The following PCDHGA5 variants were observed in gnomAD, a reference collection of about 807,000 sequenced individuals.
PCDHGA5 encodes the protein protocadherin gamma subfamily A, 5.
PCDHGA5 carries 36 observed loss-of-function variants against 56.7 expected under a neutral mutation model. The ratio of observed to expected loss-of-function variants is 0.64; its 90% CI spans 0.49 to 0.84. The LOEUF (loss-of-function observed/expected upper bound fraction) is 0.84, where lower values mean the gene tolerates loss of function less well. PCDHGA5 is among the 40% of genes least tolerant of loss of function. The pLI, the probability that PCDHGA5 is intolerant of heterozygous loss-of-function variation, is 0.00. For synonymous variants in PCDHGA5, 563 were observed against 520.2 expected (o/e 1.08, Z -1.12); for missense variants, 1,305 against 1,201.5 (o/e 1.09, Z -1.27).
intron 1 of PCDHGA5, among the ~76,000 whole-genome samples, chr5:141,450,823 A>ATTT: frequency 7.5e-6 from 1 of 133,136 alleles, no homozygotes; most frequent in African/African-American, 2.9e-5. Flanking sequence ...TAATATTATT[A>ATTT]TTATTATTTT....
intron 2 of PCDHGA5, among the ~76,000 whole-genome samples, chr5:141,499,496 T>C (rs1167360015): frequency 6.6e-6 from 1 of 152,182 alleles, no homozygotes; most frequent in East Asian, 1.9e-4. Flanking sequence ...CAGTTTAATA[T>C]GAAACATTTC....
chr5:141,383,405 G>C (rs189408749), intron 1 of PCDHGA5: 11 of 1,613,898 alleles, frequency 6.8e-6, no homozygotes, highest in Non-Finnish European at 8.5e-6. Context: ...TCCCTCCAGA[G>C]TTACCAGCTC....
At chr5:141,372,589 G>A in intron 1 of PCDHGA5, 1 of 1,614,030 alleles carries the variant, frequency 6.2e-7, no homozygotes, top group Non-Finnish European at 8.5e-7. Context: ...CCTGGTGTCT[G>A]CTTCAAGACT....
intron 1 of PCDHGA5, among the ~76,000 whole-genome samples, chr5:141,484,138 G>A (rs184277779): frequency 6.6e-6 from 1 of 152,244 alleles, no homozygotes; most frequent in Admixed American, 6.5e-5. Context: ...TCAGATAAAG[G>A]GAATTTGTAG....
chr5:141,419,647 G>C (rs370948584), intron 1 of PCDHGA5: 6 of 1,612,592 alleles, frequency 3.7e-6, no homozygotes, highest in Non-Finnish European at 5.1e-6. Context: ...CCGTGGACGC[G>C]GACTCGGGGC....
intron 1 of PCDHGA5, chr5:141,422,796 T>C: frequency 6.2e-7 from 1 of 1,614,234 alleles, no homozygotes; most frequent in Middle Eastern, 1.6e-4. Flanking sequence ...CCTTCGACTA[T>C]GAGCAGTTTC....
At chr5:141,369,451 A>G (rs1235926631) in intron 1 of PCDHGA5, among the ~76,000 whole-genome samples, 3 of 152,150 alleles carry the variant, frequency 2.0e-5, no homozygotes, top group African/African-American at 7.2e-5. Context: ...AGGATTGCTT[A>G]AAGCCAGGTG....
Position 141,469,573 on chromosome 5 carries a change from C to CTAAA in PCDHGA5, c.2422-25217_2422-25214dup, listed in dbSNP as rs1209972534. Among the ~76,000 whole-genome samples the CTAAA allele has an allele frequency of 1.4e-4, 21 of 151,674 alleles. No individual in the cohort carries two copies. In the East Asian group the frequency reaches 2.3e-3, roughly 17 times the overall value. On this transcript the variant is annotated intron_variant, in intron 1 of 3. Coordinates refer to ENST00000518069, the MANE Select transcript of PCDHGA5 (RefSeq NM_018918.3). ...CTGGCGACAGAGTGAGACTCTGTCT[C>CTAAA]TAAATAAATAAATAAATAAAACAAA...
intron 1 of PCDHGA5, chr5:141,415,746 T>TTG: frequency 3.0e-6 from 2 of 662,596 alleles, no homozygotes; most frequent in Non-Finnish European, 3.7e-6. Flanking sequence ...TAAGGTTTTT[T>TTG]TTTTTTTTTT....
At chr5:141,424,300 AAC>A (rs1370166165) in intron 1 of PCDHGA5, 2 of 152,504 alleles carry the variant, frequency 1.3e-5, no homozygotes, top group Non-Finnish European at 2.9e-5. Context: ...TCATCCTATC[AAC>A]ACAGACATAT....
At chr5:141,404,126 T>G in intron 1 of PCDHGA5, 1 of 1,613,316 alleles carries the variant, frequency 6.2e-7, no homozygotes, top group Non-Finnish European at 8.5e-7. Context: ...GAATCTATCT[T>G]TTACATTAGA....
chr5:141,394,627 C>T (rs563086120), intron 1 of PCDHGA5: 2 of 1,613,412 alleles, frequency 1.2e-6, no homozygotes, highest in East Asian at 2.2e-5. Context: ...GCCTGGCTGT[C>T]CTACCGCCTG....
At chr5:141,421,355 G>A in intron 1 of PCDHGA5, 1 of 1,613,990 alleles carries the variant, frequency 6.2e-7, no homozygotes, top group East Asian at 2.2e-5. Flanking sequence ...ACCGAAAAGG[G>A]CTCCTTCGTG....
chr5:141,407,478 A>G (rs1230151085), intron 1 of PCDHGA5, among the ~76,000 whole-genome samples: 1 of 144,006 alleles, frequency 6.9e-6, no homozygotes, highest in Non-Finnish European at 1.6e-5. Flanking sequence ...TGAATGGAGT[A>G]TGGAAAATCT....
At chr5:141,478,332 G>A (rs773442842) in intron 1 of PCDHGA5, 1 of 1,613,924 alleles carries the variant, frequency 6.2e-7, no homozygotes, top group Non-Finnish European at 8.5e-7. Context: ...CGAACACCAG[G>A]GCCCTCCTTG....
intron 1 of PCDHGA5, among the ~76,000 whole-genome samples, chr5:141,380,691 G>C (rs1198645485): frequency 6.6e-6 from 1 of 152,212 alleles, no homozygotes; most frequent in Non-Finnish European, 1.5e-5. Flanking sequence ...TTTGTGTTCG[G>C]AGTAGTCTAT....
chr5:141,411,536 A>G (rs1333872781), intron 1 of PCDHGA5: 1 of 152,248 alleles, frequency 6.6e-6, no homozygotes, highest in Admixed American at 6.5e-5. Context: ...GTGAGCCCTG[A>G]TCTTGCCACT....
intron 1 of PCDHGA5, chr5:141,404,260 T>G: frequency 6.2e-7 from 1 of 1,613,910 alleles, no homozygotes; most frequent in Non-Finnish European, 8.5e-7. Context: ...CCACAGAAAT[T>G]CACATCACCC....
intron 1 of PCDHGA5, chr5:141,370,873 C>T: frequency 6.2e-7 from 1 of 1,614,064 alleles, no homozygotes; most frequent in Non-Finnish European, 8.5e-7. Flanking sequence ...GCGCAAGATC[C>T]TGATGTAGGT....
Sources: gnomAD v4.1 joint callset for allele counts (sites outside exome capture counted in the v4.1 genomes callset) on GRCh38, gnomAD v4.1.1 for gene constraint, MANE v1.5 for transcripts, NCBI Gene and HGNC (gene_info 2026-07-23, HGNC 2026-07-21) for gene names.